PCDHA1: variants seen among roughly 807,000 people sequenced by gnomAD.
PCDHA1 encodes the protein protocadherin alpha-1.
PCDHA1 carries 42 observed loss-of-function variants against 61.3 expected under a neutral mutation model. The observed-to-expected ratio is 0.69, with a 90% CI of 0.54 to 0.89. The LOEUF is 0.89. PCDHA1 is among the 40% of genes least tolerant of loss of function. The pLI is 0.00. For synonymous variants in PCDHA1, 610 were observed against 553.8 expected (o/e 1.10, Z -1.43); for missense variants, 1,256 against 1,235.3 (o/e 1.02, Z -0.25).
chr5:140,830,257 G>A (rs1581901410), intron 1 of PCDHA1: 3 of 1,613,692 alleles, frequency 1.9e-6, no homozygotes, highest in Non-Finnish European at 1.7e-6. Context: ...CAGCGCTGCG[G>A]TGCTCGGCGC....
intron 1 of PCDHA1, among the ~76,000 whole-genome samples, chr5:140,907,616 G>A (rs2073492016): frequency 6.6e-6 from 1 of 152,216 alleles, no homozygotes; most frequent in Non-Finnish European, 1.5e-5. Flanking sequence ...CATATCAAGG[G>A]CTCAGTGTTG....
At chr5:140,930,002 C>T (rs1304233576) in intron 1 of PCDHA1, 4 of 152,196 alleles carry the variant, frequency 2.6e-5, no homozygotes, top group African/African-American at 9.6e-5. Flanking sequence ...CACCCTAAAA[C>T]ATAGCTGATA....
chr5:140,805,655 TC>T, intron 1 of PCDHA1: 1 of 847,844 alleles, frequency 1.2e-6, no homozygotes, highest in Non-Finnish European at 1.4e-6. Flanking sequence ...AAGTCTTCAT[TC>T]CCCATTAATA....
At chr5:140,911,785 T>C (rs1334155529) in intron 1 of PCDHA1, among the ~76,000 whole-genome samples, 1 of 152,180 alleles carries the variant, frequency 6.6e-6, no homozygotes, top group Non-Finnish European at 1.5e-5. Context: ...CTTAGCATTT[T>C]TGGGTCTAAT....
At chr5:140,987,022 T>C (rs1218338191) in intron 3 of PCDHA1, among the ~76,000 whole-genome samples, 1 of 152,068 alleles carries the variant, frequency 6.6e-6, no homozygotes, top group African/African-American at 2.4e-5. Flanking sequence ...GAGACCAGCC[T>C]GGTCAACATG....
intron 1 of PCDHA1, chr5:140,797,565 GCA>G: frequency 2.9e-6 from 2 of 679,106 alleles, no homozygotes; most frequent in Non-Finnish European, 4.9e-6. Flanking sequence ...TTACATTTTG[GCA>G]CTTCCATCAT....
intron 1 of PCDHA1, chr5:140,857,466 T>C: frequency 1.9e-6 from 3 of 1,598,502 alleles, no homozygotes; most frequent in Non-Finnish European, 2.6e-6. Context: ...GGCTGCCACA[T>C]CTTCACGGTG....
intron 1 of PCDHA1, chr5:140,850,636 C>G (rs782210334): frequency 1.9e-6 from 3 of 1,598,538 alleles, no homozygotes; most frequent in Non-Finnish European, 2.6e-6. Context: ...TTGGTTCTCA[C>G]GCTGCTGCTG....
intron 1 of PCDHA1, among the ~76,000 whole-genome samples, chr5:140,819,535 A>G (rs1375120782): frequency 1.3e-5 from 2 of 152,274 alleles, no homozygotes; most frequent in Non-Finnish European, 1.5e-5. Context: ...TCAAGAAAAT[A>G]ATCTGTAACA....
rs2150476590 is a variant in PCDHA1, at chr5:140,850,267, T to G, written c.2394+61583T>G. The G allele has an allele frequency of 4.4e-6, 7 of 1,592,494 alleles. 2 individuals carry two copies. Among genetic ancestry groups the G allele is most frequent in the Non-Finnish European group, 6.0e-6 (7 of 1,166,766 alleles). On this transcript the variant is annotated intron_variant, in intron 1 of 3. Coordinates refer to ENST00000504120, the MANE Select transcript of PCDHA1 (RefSeq NM_018900.4). ...CGGTCGGTGGGCGCCGGCGTAGTGG[T>G]GGGGAAGGTGCGCGCAGTGGACGCC...
At chr5:140,974,009 A>C (rs1554235749) in intron 1 of PCDHA1, among the ~76,000 whole-genome samples, 2 of 152,236 alleles carry the variant, frequency 1.3e-5, no homozygotes, top group African/African-American at 4.8e-5. Flanking sequence ...TGTTTTGTGC[A>C]TGTGATAATA....
intron 3 of PCDHA1, among the ~76,000 whole-genome samples, chr5:141,002,340 TTC>T (rs1554258614): frequency 5.3e-4 from 81 of 152,342 alleles, no homozygotes; most frequent in African/African-American, 1.9e-3. Flanking sequence ...TCCGCACCCC[TTC>T]CCCCACCTCC....
chr5:140,882,705 G>T, intron 1 of PCDHA1: 1 of 1,614,172 alleles, frequency 6.2e-7, no homozygotes, highest in South Asian at 1.1e-5. Flanking sequence ...GCAGAATCTA[G>T]ACCTCCGGAA....
chr5:140,857,857 C>T lies in PCDHA1; in HGVS notation c.2394+69173C>T, dbSNP rs1415276512. On this transcript the variant is annotated intron_variant, in intron 1 of 3. Transcript: ENST00000504120. ...CAGTGGACGCTGACTCTGGATACAA[C>T]GCGTGGCTGTCGTATGAATTGCAGT... 10 of 1,597,784 alleles carry T rather than the reference C, an allele frequency of 6.3e-6. 2 individuals are homozygous for T. Among genetic ancestry groups the T allele is most frequent in the African/African-American group, 1.3e-5 (1 of 74,362 alleles).
intron 1 of PCDHA1, 190 bp downstream of exon 1, chr5:140,788,874 G>A: frequency 7.5e-7 from 1 of 1,330,742 alleles, no homozygotes; most frequent in Non-Finnish European, 9.7e-7. Flanking sequence ...AAAGAAAAAT[G>A]TAGGGACAAA....
At position 140,797,005 on chromosome 5, in the gene PCDHA1, C is replaced by A. The variant is rs1219238671; in HGVS notation, c.2394+8321C>A. 11 of 1,613,566 alleles carry A rather than the reference C, an allele frequency of 6.8e-6. No homozygotes were observed. In the African/African-American group the frequency reaches 8.0e-5, roughly 12 times the overall value. On this transcript the variant is annotated intron_variant, in intron 1 of 3. Coordinates refer to ENST00000504120, the MANE Select transcript of PCDHA1 (RefSeq NM_018900.4). ...TGGCCAGGCACCCAAGGCCTCGTCGCGGGCGTGGGTGGGCGCCGCGGGCTC... is the reference window on the plus strand; with the variant it reads ...TGGCCAGGCACCCAAGGCCTCGTCGAGGGCGTGGGTGGGCGCCGCGGGCTC...
chr5:140,816,012 A>C (rs2126668745), intron 1 of PCDHA1: 1 of 152,226 alleles, frequency 6.6e-6, no homozygotes, highest in East Asian at 1.9e-4. Flanking sequence ...CTAAATTCTT[A>C]ACATTTCTTG....
At chr5:140,956,565 A>G (rs190736286) in intron 1 of PCDHA1, among the ~76,000 whole-genome samples, 2 of 152,284 alleles carry the variant, frequency 1.3e-5, no homozygotes, top group Non-Finnish European at 2.9e-5. Flanking sequence ...TATCTTATTG[A>G]GGATTTTTGC....
intron 1 of PCDHA1, among the ~76,000 whole-genome samples, chr5:140,889,132 G>C (rs1338926841): frequency 6.6e-6 from 1 of 151,438 alleles, no homozygotes; most frequent in Non-Finnish European, 1.5e-5. Context: ...ATATGTCCTA[G>C]TTTTTCTTCC....
Sources: allele counts gnomAD v4.1 joint callset (sites outside exome capture counted in the v4.1 genomes callset), GRCh38; gene constraint gnomAD v4.1.1; transcripts MANE v1.5; gene names NCBI Gene and HGNC (gene_info 2026-07-23, HGNC 2026-07-21).